Variants in SLC35H1 observed in about 807,000 individuals in gnomAD.
SLC35H1 encodes the protein solute carrier family 35 member H1.
At chr20:46,360,402 C>T in the SLC35H1 span, among the ~76,000 whole-genome samples, 218 of 152,300 alleles carry the variant, frequency 1.4e-3, no homozygotes, top group African/African-American at 5.0e-3. Context: ...GTGGCCATCA[C>T]ACTCCTAGAG....
At chr20:46,348,500 C>T in the SLC35H1 span, 3 of 152,244 alleles carry the variant, frequency 2.0e-5, no homozygotes, top group Admixed American at 6.5e-5. Context: ...GGAGCACGAG[C>T]CTCCTTTAAT....
At chr20:46,354,146 A>G in the SLC35H1 span, among the ~76,000 whole-genome samples, 71 of 152,156 alleles carry the variant, frequency 4.7e-4, 1 homozygote, top group Non-Finnish European at 2.1e-4. Context: ...CAGTGGAGGA[A>G]CAACTGACCA....
the SLC35H1 span, chr20:46,351,913 T>C: frequency 3.4e-6 from 3 of 883,118 alleles, no homozygotes; most frequent in East Asian, 8.0e-5. Context: ...CTCAGCAAAG[T>C]GCCTGGCACC....
chr20:46,358,733 T>A, the SLC35H1 span: 1 of 1,548,898 alleles, frequency 6.5e-7, no homozygotes, highest in South Asian at 1.2e-5. Context: ...CATGGTTAAT[T>A]GGATGCAGCG....
the SLC35H1 span, chr20:46,350,773 G>A: frequency 6.2e-7 from 1 of 1,613,998 alleles, no homozygotes; most frequent in African/African-American, 1.3e-5. Flanking sequence ...CTGGAATGCA[G>A]GGCTTTGAGG....
chr20:46,353,344 G>A, the SLC35H1 span: 1 of 152,140 alleles, frequency 6.6e-6, no homozygotes, highest in African/African-American at 2.4e-5. Flanking sequence ...TAGACTTTCG[G>A]AGGAGTCATG....
chr20:46,348,662 A>T, the SLC35H1 span: 1 of 152,196 alleles, frequency 6.6e-6, no homozygotes, highest in Non-Finnish European at 1.5e-5. Flanking sequence ...ACTCCTGAGC[A>T]CGGAGGCTCT....
the SLC35H1 span, among the ~76,000 whole-genome samples, chr20:46,357,236 C>T: frequency 2.0e-5 from 3 of 152,238 alleles, no homozygotes; most frequent in Admixed American, 2.0e-4. Flanking sequence ...TGGGCCCCGG[C>T]CTTGGGTTGG....
At chr20:46,354,067 A>G in the SLC35H1 span, among the ~76,000 whole-genome samples, 10 of 152,120 alleles carry the variant, frequency 6.6e-5, no homozygotes, top group East Asian at 1.4e-3. Flanking sequence ...AACATCAAAG[A>G]AAGGAAGGTG....
the SLC35H1 span, chr20:46,354,833 C>G: frequency 6.7e-7 from 1 of 1,488,192 alleles, no homozygotes; most frequent in Non-Finnish European, 9.2e-7. Flanking sequence ...GGGCGAGGAT[C>G]TGTGGTCTGC....
At chr20:46,358,738 G>A in the SLC35H1 span, 10 of 1,547,420 alleles carry the variant, frequency 6.5e-6, no homozygotes, top group African/African-American at 1.4e-5. Context: ...TTAATTGGAT[G>A]CAGCGCTCAC....
the SLC35H1 span, chr20:46,351,967 A>G: frequency 2.0e-5 from 28 of 1,420,696 alleles, no homozygotes; most frequent in Admixed American, 1.9e-4. Flanking sequence ...CCTGGGGTGC[A>G]GGAGCTGGGA....
the SLC35H1 span, among the ~76,000 whole-genome samples, chr20:46,356,201 G>A: frequency 6.6e-6 from 1 of 152,206 alleles, no homozygotes; most frequent in Admixed American, 6.5e-5. Context: ...AACATCAGAG[G>A]GAAGAAGAAA....
At chr20:46,358,354 C>T in the SLC35H1 span, 1 of 1,599,604 alleles carries the variant, frequency 6.3e-7, no homozygotes, top group South Asian at 1.1e-5. Context: ...CACCTTCATC[C>T]CAGCACCCCG....
the SLC35H1 span, chr20:46,355,932 G>A: frequency 2.8e-5 from 45 of 1,606,544 alleles, no homozygotes; most frequent in Non-Finnish European, 3.7e-5. This position sits in a 1 kb window ranked among gnomAD's most constrained non-coding sequence, Gnocchi z 4.8. Context: ...ACCCATCACC[G>A]AGAAAGGAGC....
chr20:46,346,466 C>A, the SLC35H1 span: 2 of 152,058 alleles, frequency 1.3e-5, no homozygotes, highest in African/African-American at 4.8e-5. Flanking sequence ...TTAGTTTCCG[C>A]TAGTGGAAAT....
the SLC35H1 span, among the ~76,000 whole-genome samples, chr20:46,362,028 T>C: frequency 6.6e-6 from 1 of 152,106 alleles, no homozygotes; most frequent in African/African-American, 2.4e-5. Context: ...CTCCAATAAG[T>C]CCCTATGGCT....
At chr20:46,359,272 CCT>C in the SLC35H1 span, among the ~76,000 whole-genome samples, 1 of 152,208 alleles carries the variant, frequency 6.6e-6, no homozygotes, top group Non-Finnish European at 1.5e-5. Context: ...CACCCCATCC[CCT>C]GAATCAGTCC....
the SLC35H1 span, chr20:46,350,409 G>A: frequency 6.2e-7 from 1 of 1,612,274 alleles, no homozygotes; most frequent in Non-Finnish European, 8.5e-7. Context: ...GCTGCCCCTG[G>A]GCCACAAAGT....
Sources: allele counts gnomAD v4.1 joint callset (sites outside exome capture counted in the v4.1 genomes callset), GRCh38; gene constraint gnomAD v4.1.1; non-coding constraint Gnocchi (gnomAD v3.1); transcripts MANE v1.5; gene names NCBI Gene and HGNC (gene_info 2026-07-23, HGNC 2026-07-21).